The following SLC30A8 variants were observed in gnomAD, a reference collection of about 807,000 sequenced individuals.
SLC30A8 encodes the protein proton-coupled zinc antiporter SLC30A8.
A neutral mutation model predicts 36.9 loss-of-function variants in SLC30A8; 27 were observed. The ratio of observed to expected loss-of-function variants is 0.73; its 90% CI spans 0.54 to 1.01. The LOEUF is 1.01. SLC30A8 is among the 50% of genes least tolerant of loss of function. The pLI is 0.00. For missense variants in SLC30A8, 439 were observed against 452.0 expected (o/e 0.97, Z 0.26); for synonymous variants, 164 against 172.4 (o/e 0.95, Z 0.38).
At chr8:117,127,350 A>G (rs114033227) in intron 2 of SLC30A8, among the ~76,000 whole-genome samples, 1,990 of 152,126 alleles carry the variant, frequency 0.013, 43 homozygotes, top group African/African-American at 0.045. Context: ...CTGAATAATA[A>G]GCTGCTGAGT....
intron 2 of SLC30A8, among the ~76,000 whole-genome samples, chr8:117,066,081 A>G (rs113765788): frequency 2.2e-3 from 329 of 152,322 alleles, no homozygotes; most frequent in African/African-American, 7.7e-3. Context: ...GGAGACCATC[A>G]TCTTTCTATC....
chr8:117,122,751 C>G (rs1820740929), intron 2 of SLC30A8, among the ~76,000 whole-genome samples: 1 of 151,972 alleles, frequency 6.6e-6, no homozygotes, highest in Non-Finnish European at 1.5e-5. Flanking sequence ...GTCTAAGTCT[C>G]TTTTCTGGCA....
intron 1 of SLC30A8, among the ~76,000 whole-genome samples, chr8:117,017,108 G>T (rs1816546058): frequency 6.6e-6 from 1 of 152,112 alleles, no homozygotes; most frequent in Non-Finnish European, 1.5e-5. Context: ...TAAAAGGGGG[G>T]AAATAGTGTC....
intron 2 of SLC30A8, among the ~76,000 whole-genome samples, chr8:117,079,024 T>A (rs1262555573): frequency 6.6e-6 from 1 of 151,662 alleles, no homozygotes; most frequent in Non-Finnish European, 1.5e-5. Flanking sequence ...TTTGTCTTTT[T>A]TTTTTGAGAC....
At chr8:117,117,234 T>TAAA (rs1431936923) in intron 2 of SLC30A8, among the ~76,000 whole-genome samples, 1 of 152,018 alleles carries the variant, frequency 6.6e-6, no homozygotes, top group Non-Finnish European at 1.5e-5. Flanking sequence ...AGCACTTATT[T>TAAA]ATATTAACTT....
chr8:117,098,944 G>A (rs765621757), intron 2 of SLC30A8, among the ~76,000 whole-genome samples: 1 of 152,116 alleles, frequency 6.6e-6, no homozygotes, highest in African/African-American at 2.4e-5. Flanking sequence ...ACCAAGTGGG[G>A]AGTGAAATTA....
chr8:117,008,745 C>T (rs1816255664), intron 1 of SLC30A8, among the ~76,000 whole-genome samples: 1 of 152,212 alleles, frequency 6.6e-6, no homozygotes, highest in Non-Finnish European at 1.5e-5. Flanking sequence ...CCTTCTGCTT[C>T]AGGTCATGCT....
chr8:117,163,576 C>G (rs1006653592), intron 6 of SLC30A8, 46 bp downstream of exon 6: 3 of 1,401,810 alleles, frequency 2.1e-6, no homozygotes, highest in Non-Finnish European at 3.0e-6. Context: ...GTTTTCTCTT[C>G]CCTAGAATCA....
intron 2 of SLC30A8, among the ~76,000 whole-genome samples, chr8:117,087,636 A>C (rs532319207): frequency 1.2e-4 from 18 of 151,498 alleles, no homozygotes; most frequent in South Asian, 1.0e-3. Flanking sequence ...CCAATCTTAG[A>C]TTTTTTTTGA....
intron 2 of SLC30A8, among the ~76,000 whole-genome samples, chr8:117,056,496 T>C (rs948320127): frequency 6.6e-6 from 1 of 152,060 alleles, no homozygotes. Flanking sequence ...AAAGGCTGGG[T>C]AGGTCCCAGG....
At chr8:117,029,877 T>G (rs1193727181) in intron 1 of SLC30A8, among the ~76,000 whole-genome samples, 2 of 152,200 alleles carry the variant, frequency 1.3e-5, no homozygotes, top group African/African-American at 4.8e-5. Flanking sequence ...GGAAACCAAT[T>G]ATTAGACAAG....
At chr8:116,967,291 A>G (rs909268137) in intron 1 of SLC30A8, among the ~76,000 whole-genome samples, 1 of 152,218 alleles carries the variant, frequency 6.6e-6, no homozygotes, top group Non-Finnish European at 1.5e-5. Flanking sequence ...AAGAGAGGAG[A>G]TAATAAAAGA....
intron 1 of SLC30A8, among the ~76,000 whole-genome samples, chr8:117,141,862 G>C (rs1821668940): frequency 1.3e-5 from 2 of 152,156 alleles, no homozygotes; most frequent in Non-Finnish European, 2.9e-5. Flanking sequence ...CATTCATCTT[G>C]TTCCAGTTAC....
intron 1 of SLC30A8, among the ~76,000 whole-genome samples, chr8:117,027,252 C>T (rs1816905177): frequency 6.6e-6 from 1 of 152,120 alleles, no homozygotes; most frequent in Admixed American, 6.5e-5. Context: ...CTGCATCTAC[C>T]TCTCAACACC....
intron 2 of SLC30A8, among the ~76,000 whole-genome samples, chr8:117,073,077 T>G (rs1452393947): frequency 1.3e-5 from 2 of 152,148 alleles, no homozygotes; most frequent in Non-Finnish European, 2.9e-5. Context: ...TTTTGATTTT[T>G]GGATCATTTT....
chr8:117,106,391 T>C (rs1241202281), intron 2 of SLC30A8, among the ~76,000 whole-genome samples: 2 of 152,230 alleles, frequency 1.3e-5, no homozygotes, highest in Admixed American at 6.5e-5. Context: ...TTAAAAGTAA[T>C]GGCAGAAACC....
intron 1 of SLC30A8, among the ~76,000 whole-genome samples, chr8:117,143,632 A>G (rs62510553): frequency 0.058 from 8,727 of 151,018 alleles, 294 homozygotes; most frequent in East Asian, 0.12. Flanking sequence ...TTGGGAGCCA[A>G]GTGAAGACTG....
At chr8:116,961,891 G>A (rs756721387) in intron 1 of SLC30A8, among the ~76,000 whole-genome samples, 2 of 151,852 alleles carry the variant, frequency 1.3e-5, no homozygotes, top group African/African-American at 2.4e-5. Flanking sequence ...ATTAATCCAT[G>A]CATGAGGTCA....
At chr8:117,009,016 G>T (rs1471599212) in intron 1 of SLC30A8, among the ~76,000 whole-genome samples, 1 of 152,164 alleles carries the variant, frequency 6.6e-6, no homozygotes, top group Non-Finnish European at 1.5e-5. Flanking sequence ...GGAATCAAAT[G>T]AGATGATGTT....
Sources: gnomAD v4.1 joint callset for allele counts (sites outside exome capture counted in the v4.1 genomes callset) on GRCh38, gnomAD v4.1.1 for gene constraint, MANE v1.5 for transcripts, NCBI Gene and HGNC (gene_info 2026-07-23, HGNC 2026-07-21) for gene names.